Variants in AKT3 observed in about 807,000 individuals in gnomAD.
AKT3 encodes the protein AKT serine/threonine kinase 3.
Under a neutral mutation model 65.3 loss-of-function variants are expected in AKT3, and 15 were observed. The ratio of observed to expected loss-of-function variants is 0.23; its 90% CI spans 0.15 to 0.35. The LOEUF is 0.35. Among genes scored for constraint, AKT3 ranks in the 10% least tolerant of loss-of-function variants. The pLI is 1.00. For missense variants in AKT3, 243 were observed against 576.5 expected, an observed-to-expected ratio of 0.42 and a Z score of 5.92; for synonymous variants, 206 against 183.8, an observed-to-expected ratio of 1.12 and a Z score of -0.98.
chr1:243,684,294 C>T lies in AKT3; in HGVS notation c.172+11297G>A, dbSNP rs552652422. The stretch of plus-strand genomic sequence containing the variant: ...TCTACATTAGGTATTTCTCCTAATG[C>T]TATCCCTCCCCTAGCCCCCAATCTC... On this transcript the variant is annotated intron_variant, in intron 3 of 13. Transcript: ENST00000673466. Among the ~76,000 whole-genome samples the T allele has an allele frequency of 9.9e-5, 15 of 152,204 alleles. 1 individual carries two copies. Among genetic ancestry groups the T allele is most frequent in the African/African-American group, 3.6e-4 (15 of 41,540 alleles).
intron 2 of AKT3, 93 bp downstream of exon 2, chr1:243,843,030 GTT>G: frequency 2.3e-6 from 3 of 1,303,912 alleles, no homozygotes; most frequent in South Asian, 2.7e-5. Flanking sequence ...GCATGACACA[GTT>G]TAACAGTATC....
chr1:243,768,878 C>T (rs979446953), intron 2 of AKT3, among the ~76,000 whole-genome samples: 63 of 151,284 alleles, frequency 4.2e-4, no homozygotes, highest in African/African-American at 1.3e-3. Context: ...CCATAAAAAT[C>T]GCCATTTTAA....
chr1:243,659,716 G>A (rs1364761957), intron 4 of AKT3, among the ~76,000 whole-genome samples: 1 of 152,180 alleles, frequency 6.6e-6, no homozygotes, highest in Non-Finnish European at 1.5e-5. Flanking sequence ...CTTATATCAT[G>A]TACTGAAATA....
In AKT3 at chr1:243,500,642, G is replaced by GTTAGTTA. The variant is rs199934849; in HGVS notation, c.*4606_*4607insTAACTAA. 1.9e-4 allele frequency: 44 copies of GTTAGTTA among 230,252 alleles called. No homozygotes were observed. Among genetic ancestry groups the GTTAGTTA allele is most frequent in the African/African-American group, 8.6e-4 (39 of 45,270 alleles). 14.3% of individuals were successfully genotyped at this position (230,252 alleles called of 1,614,324 possible). A position where few individuals can be genotyped will look rare whatever the true frequency, so the allele number is the denominator to read the frequency against. On this transcript the variant is annotated 3_prime_UTR_variant, in exon 14 of 14. Transcript: ENST00000673466. The stretch of plus-strand genomic sequence containing the variant: ...CTAAAGGCAAGGCTGCAGTTAGTTA[G>GTTAGTTA]GACAGGTCCCTGACCTTCGGCTGCC...
At chr1:243,750,545 G>A (rs1256835060) in intron 2 of AKT3, among the ~76,000 whole-genome samples, 4 of 151,500 alleles carry the variant, frequency 2.6e-5, no homozygotes, top group East Asian at 1.9e-4. Context: ...ACTCTTTACC[G>A]GTAAGTTATT....
intron 12 of AKT3, among the ~76,000 whole-genome samples, chr1:243,543,764 G>T (rs1407935336): frequency 6.6e-6 from 1 of 152,204 alleles, no homozygotes; most frequent in African/African-American, 2.4e-5. Flanking sequence ...TTCTCATAAA[G>T]GTTGTGAAGG....
intron 6 of AKT3, among the ~76,000 whole-genome samples, chr1:243,615,940 A>G (rs946988184): frequency 6.6e-6 from 1 of 151,724 alleles, no homozygotes; most frequent in African/African-American, 2.4e-5. Flanking sequence ...GGGTCTTGCT[A>G]TGTTGCCCAG....
At chr1:243,593,028 G>A (rs991855974) in intron 8 of AKT3, among the ~76,000 whole-genome samples, 5 of 152,070 alleles carry the variant, frequency 3.3e-5, no homozygotes, top group African/African-American at 1.2e-4. Context: ...AGTTAAATAC[G>A]AGTTTATAGT....
At chr1:243,746,954 A>G (rs562934273) in intron 2 of AKT3, among the ~76,000 whole-genome samples, 1 of 152,288 alleles carries the variant, frequency 6.6e-6, no homozygotes, top group South Asian at 2.1e-4. Flanking sequence ...GCTGAGTTTA[A>G]CAACAATCAT....
intron 2 of AKT3, among the ~76,000 whole-genome samples, chr1:243,805,416 T>C (rs544049476): frequency 9.2e-5 from 14 of 152,276 alleles, no homozygotes; most frequent in Admixed American, 3.3e-4. Context: ...TACAAAAATT[T>C]TCTCTAACTT....
intron 4 of AKT3, among the ~76,000 whole-genome samples, chr1:243,654,568 C>G (rs2147878482): frequency 6.6e-6 from 1 of 152,254 alleles, no homozygotes; most frequent in South Asian, 2.1e-4. Context: ...ATCCTCCTGC[C>G]TCAGCCTTCC....
chr1:243,686,855 G>A (rs1163943067), intron 3 of AKT3, among the ~76,000 whole-genome samples: 1 of 149,440 alleles, frequency 6.7e-6, no homozygotes, highest in Non-Finnish European at 1.5e-5. Flanking sequence ...GTAGAGATGG[G>A]GGTTTCATCA....
At chr1:243,708,042 A>G (rs1685915290) in intron 2 of AKT3, among the ~76,000 whole-genome samples, 1 of 152,072 alleles carries the variant, frequency 6.6e-6, no homozygotes, top group African/African-American at 2.4e-5. Flanking sequence ...GAATACTAGA[A>G]TATCTGCTAT....
intron 3 of AKT3, among the ~76,000 whole-genome samples, chr1:243,688,930 T>C (rs896460772): frequency 1.3e-5 from 2 of 152,188 alleles, no homozygotes; most frequent in East Asian, 3.9e-4. Context: ...TGTTTGCTTA[T>C]GTTGTTAACC....
chr1:243,573,469 A>G (rs910471803), intron 8 of AKT3, among the ~76,000 whole-genome samples: 3 of 152,208 alleles, frequency 2.0e-5, no homozygotes, highest in African/African-American at 7.2e-5. Flanking sequence ...AAGACTGTCA[A>G]TTTGCTGAAA....
intron 3 of AKT3, among the ~76,000 whole-genome samples, chr1:243,692,753 G>A (rs779565680): frequency 2.6e-5 from 4 of 151,842 alleles, no homozygotes; most frequent in Non-Finnish European, 5.9e-5. Context: ...AAAAATTTAT[G>A]TGTTTTTTTG....
intron 3 of AKT3, among the ~76,000 whole-genome samples, chr1:243,678,153 G>A (rs952199988): frequency 3.9e-5 from 6 of 151,958 alleles, no homozygotes; most frequent in African/African-American, 1.5e-4. Context: ...CCACCTCTTT[G>A]GAAAGCACTC....
chr1:243,567,017 T>C (rs966877221), intron 9 of AKT3, among the ~76,000 whole-genome samples: 6 of 152,336 alleles, frequency 3.9e-5, no homozygotes, highest in African/African-American at 1.2e-4. Flanking sequence ...CAGTGGCTCA[T>C]GCCTGTAATC....
intron 2 of AKT3, among the ~76,000 whole-genome samples, chr1:243,832,654 G>A (rs915484198): frequency 2.6e-5 from 4 of 152,238 alleles, no homozygotes; most frequent in Non-Finnish European, 2.9e-5. Flanking sequence ...TACTCAAGGC[G>A]CTCTCCCATT....
Sources: allele counts gnomAD v4.1 joint callset (sites outside exome capture counted in the v4.1 genomes callset), GRCh38; gene constraint gnomAD v4.1.1; transcripts MANE v1.5; gene names NCBI Gene and HGNC (gene_info 2026-07-23, HGNC 2026-07-21).